TAF4: variants seen among roughly 807,000 people sequenced by gnomAD.
TAF4 encodes TATA-box binding protein associated factor 4.
TAF4 carries 9 observed loss-of-function variants against 90.3 expected under a neutral mutation model. That is an observed-to-expected ratio of 0.10 (90% CI 0.06 to 0.17). TAF4 has a LOEUF of 0.17. Ranked by LOEUF, TAF4 falls within the 10% of genes least tolerant of loss-of-function variation. TAF4 has a pLI of 1.00. For missense variants in TAF4, 1,351 were observed against 1,370.7 expected, an observed-to-expected ratio of 0.99 and a Z score of 0.23; for synonymous variants, 818 against 638.9, an observed-to-expected ratio of 1.28 and a Z score of -4.23.
intron 1 of TAF4, among the ~76,000 whole-genome samples, chr20:62,060,148 G>A (rs1020074486): frequency 2.0e-5 from 3 of 152,236 alleles, no homozygotes; most frequent in African/African-American, 7.2e-5. Flanking sequence ...CCCGGGGGCA[G>A]TCCTGGAAGC....
Position 62,065,827 on chromosome 20 carries a change from C to CCGCCGA in TAF4, c.-18_-17insTCGGCG. On this transcript the variant is annotated 5_prime_UTR_variant, in exon 1 of 15. Coordinates refer to ENST00000252996, the MANE Select transcript of TAF4 (RefSeq NM_003185.4). ...CGCCGCCATCTTTTTTCCTCGGCCG[C>CCGCCGA]CGCCGCCGCCGCCGCTCGGGCCGAG... The CCGCCGA allele has an allele frequency of 7.9e-7, 1 of 1,260,528 alleles. No homozygotes were observed. Among genetic ancestry groups the CCGCCGA allele is most frequent in the South Asian group, 1.4e-5 (1 of 73,288 alleles). 78.1% of individuals were successfully genotyped at this position (1,260,528 alleles called of 1,614,324 possible). A position where few individuals can be genotyped will look rare whatever the true frequency, so the allele number is the denominator to read the frequency against.
chr20:61,995,415 C>T (rs930985653), intron 14 of TAF4, among the ~76,000 whole-genome samples: 12 of 152,160 alleles, frequency 7.9e-5, no homozygotes, highest in Non-Finnish European at 1.3e-4. Flanking sequence ...CCAAGGACCT[C>T]GTAGACACAT....
At chr20:62,045,969 C>A (rs962352500) in intron 1 of TAF4, among the ~76,000 whole-genome samples, 1 of 152,234 alleles carries the variant, frequency 6.6e-6, no homozygotes, top group Non-Finnish European at 1.5e-5. Flanking sequence ...TACTGATTCT[C>A]TCCTAAAGAA....
At chr20:62,009,634 T>C (rs1056621444) in intron 4 of TAF4, among the ~76,000 whole-genome samples, 3 of 152,238 alleles carry the variant, frequency 2.0e-5, no homozygotes, top group African/African-American at 4.8e-5. Context: ...CGACACTGTG[T>C]GTACAAACGG....
chr20:61,982,215 C>CA (rs1278024547), intron 14 of TAF4, among the ~76,000 whole-genome samples: 1 of 9,676 alleles, frequency 1.0e-4, no homozygotes, highest in Non-Finnish European at 3.0e-4. Flanking sequence ...GAGGAGACAC[C>CA]AAACCCACAC....
At position 62,006,717 on chromosome 20, in the gene TAF4, C is replaced by A; in HGVS notation, c.2016G>T (p.Ala672=). Reference sequence around the variant, plus strand: ...GCTGCTGGCTCTGCTGGATGAAGGCCGCGGAGTCGGGGGTCAGCTGTCTCA... The same window carrying A: ...GCTGCTGGCTCTGCTGGATGAAGGCAGCGGAGTCGGGGGTCAGCTGTCTCA... ...PALRQLTPDS[A]AFIQQSQQQP... Residue 672 remains alanine (A), a synonymous_variant, in exon 7 of 15, where the codon GCG becomes GCT. Transcript: ENST00000252996. This position sits in a 1 kb window ranked among gnomAD's most constrained non-coding sequence, Gnocchi z 7.0. 1 of 1,567,066 alleles carries A rather than the reference C, an allele frequency of 6.4e-7. No individual in the cohort carries two copies. The highest frequency in any genetic ancestry group is 8.7e-7 in the Non-Finnish European group (1 of 1,150,972).
intron 14 of TAF4, among the ~76,000 whole-genome samples, chr20:61,995,582 AGCCGGGCG>A (rs2055658364): frequency 1.3e-5 from 1 of 77,458 alleles, no homozygotes. Flanking sequence ...AAAAAATTTG[AGCCGGGCG>A]CGGTGGCTCA....
At chr20:62,063,812 G>A (rs2145528178) in intron 1 of TAF4, among the ~76,000 whole-genome samples, 1 of 152,386 alleles carries the variant, frequency 6.6e-6, no homozygotes, top group East Asian at 1.9e-4. Context: ...CGCGCCGGGA[G>A]GACTCTCGCA....
At chr20:62,000,858 A>T (rs891632273) in intron 9 of TAF4, 137 bp from the exon 10 acceptor site, 3 of 833,388 alleles carry the variant, frequency 3.6e-6, no homozygotes, top group Non-Finnish European at 5.6e-6. Flanking sequence ...CCGCACCTGC[A>T]CCTGCTGCAT....
chr20:61,977,646 C>CAACGGAG (rs1484115973), intron 14 of TAF4, among the ~76,000 whole-genome samples: 1 of 152,184 alleles, frequency 6.6e-6, no homozygotes, highest in Non-Finnish European at 1.5e-5. Flanking sequence ...CACCTGTCTC[C>CAACGGAG]GTTCAGACGC....
chr20:61,977,573 A>T (rs1022195817), intron 14 of TAF4, among the ~76,000 whole-genome samples: 1 of 151,784 alleles, frequency 6.6e-6, no homozygotes, highest in Non-Finnish European at 1.5e-5. Flanking sequence ...GTGTGATGGC[A>T]TGCAAGTGTG....
Position 62,064,216 on chromosome 20 carries a change from G to C in TAF4, c.1360+235C>G, listed in dbSNP as rs1470133527. The stretch of plus-strand genomic sequence containing the variant: ...GACCAGCCCCAGGCACAGGCAGCCA[G>C]CGCGGACGTCAGGGACAGCGACAGG... On this transcript the variant is annotated intron_variant, in intron 1 of 14. Coordinates refer to ENST00000252996, the MANE Select transcript of TAF4 (RefSeq NM_003185.4). 3 of 417,584 alleles carry C rather than the reference G, an allele frequency of 7.2e-6. No homozygotes were observed. The East Asian group carries it at 1.1e-4, about 15-fold the overall frequency. The allele number at this position is 417,584 out of a possible 1,614,324, so 25.9% of individuals were successfully genotyped here. A position where few individuals can be genotyped will look rare whatever the true frequency, so the allele number is the denominator to read the frequency against.
chr20:62,000,941 T>G (rs2055696781), intron 9 of TAF4, among the ~76,000 whole-genome samples: 1 of 152,142 alleles, frequency 6.6e-6, no homozygotes, highest in Non-Finnish European at 1.5e-5. Context: ...GAGCTGTGAG[T>G]TGGCGCCGGG....
intron 7 of TAF4, chr20:62,005,440 G>A (rs1488883581): frequency 6.6e-6 from 1 of 152,288 alleles, no homozygotes; most frequent in Non-Finnish European, 1.5e-5. Flanking sequence ...AGCACCAGAG[G>A]TCAAAACTTG....
chr20:62,051,575 GC>G (rs1409398555), intron 1 of TAF4, among the ~76,000 whole-genome samples: 1 of 151,948 alleles, frequency 6.6e-6, no homozygotes, highest in Non-Finnish European at 1.5e-5. Context: ...ACAGGGCTGG[GC>G]CTGTCCCAGA....
chr20:62,006,884 C>A lies in TAF4; in HGVS notation c.1975-126G>T, dbSNP rs150908643. 2.3e-6 allele frequency: 3 copies of A among 1,281,626 alleles called. No homozygotes were observed. The highest frequency in any genetic ancestry group is 3.6e-5 in the Admixed American group (1 of 27,984). 79.4% of individuals were successfully genotyped at this position (1,281,626 alleles called of 1,614,324 possible). A position where few individuals can be genotyped will look rare whatever the true frequency, so the allele number is the denominator to read the frequency against. On this transcript the variant is annotated intron_variant, in intron 6 of 14. Coordinates refer to ENST00000252996, the MANE Select transcript of TAF4 (RefSeq NM_003185.4). The surrounding 1 kb of genome is among the most constrained non-coding windows in gnomAD (Gnocchi z 7.0). ...GCTAAGTAAGATGGATCTTGGCCCT[C>A]ACGGCAGCATGTCTGGATGTCAAGG... is the stretch of plus-strand genomic sequence containing the variant.
chr20:62,000,853 C>T, intron 9 of TAF4, 132 bp from the exon 10 acceptor site: 2 of 871,506 alleles, frequency 2.3e-6, no homozygotes, highest in Non-Finnish European at 3.5e-6. Flanking sequence ...CCTCCCCGCA[C>T]CTGCACCTGC....
intron 14 of TAF4, chr20:61,980,224 T>C (rs967948600): frequency 2.6e-5 from 4 of 152,298 alleles, no homozygotes; most frequent in African/African-American, 9.6e-5. Context: ...ATATGTGCCA[T>C]AGACACTCAG....
intron 1 of TAF4, among the ~76,000 whole-genome samples, chr20:62,057,620 AGG>A (rs2056072132): frequency 6.8e-6 from 1 of 147,944 alleles, no homozygotes; most frequent in Non-Finnish European, 1.5e-5. Flanking sequence ...GACCTCAGGA[AGG>A]ACGGACACAG....
Sources: allele counts gnomAD v4.1 joint callset (sites outside exome capture counted in the v4.1 genomes callset), GRCh38; gene constraint gnomAD v4.1.1; non-coding constraint Gnocchi (gnomAD v3.1); transcripts MANE v1.5; gene names NCBI Gene and HGNC (gene_info 2026-07-23, HGNC 2026-07-21).